The following TMEM131L variants were observed in gnomAD, a reference collection of about 807,000 sequenced individuals.
TMEM131L encodes the protein transmembrane protein 131-like.
In TMEM131L, 54 loss-of-function variants were observed where a neutral mutation model predicts 192.2. That is an observed-to-expected ratio of 0.28 (90% CI 0.23 to 0.35). The LOEUF is 0.35. Ranked by LOEUF, TMEM131L falls within the 10% of genes least tolerant of loss-of-function variation. TMEM131L has a pLI of 1.00. For missense variants in TMEM131L, 1,888 were observed against 1,972.9 expected, an observed-to-expected ratio of 0.96 and a Z score of 0.82; for synonymous variants, 701 against 704.9, an observed-to-expected ratio of 0.99 and a Z score of 0.09.
At chr4:153,557,583 T>C (rs948083181) in intron 6 of TMEM131L, among the ~76,000 whole-genome samples, 3 of 152,282 alleles carry the variant, frequency 2.0e-5, no homozygotes, top group African/African-American at 7.2e-5. Context: ...TTGTTGCTAT[T>C]CTCAGAAATA....
chr4:153,603,233 G>C (rs1731971378), intron 23 of TMEM131L, 70 bp from the exon 24 acceptor site: 1 of 1,341,654 alleles, frequency 7.5e-7, no homozygotes. Flanking sequence ...CCACTCTTCT[G>C]TAATGAAACT....
chr4:153,632,045 G>A (rs1734245551), intron 31 of TMEM131L, among the ~76,000 whole-genome samples: 1 of 152,208 alleles, frequency 6.6e-6, no homozygotes, highest in African/African-American at 2.4e-5. Flanking sequence ...CAGGCGTGGT[G>A]GCTCACGCCT....
At chr4:153,466,967 C>T (rs1245694913) in intron 1 of TMEM131L, among the ~76,000 whole-genome samples, 1 of 152,192 alleles carries the variant, frequency 6.6e-6, no homozygotes, top group Non-Finnish European at 1.5e-5. Flanking sequence ...TTCGTCCCCC[C>T]ACCCCCAGCA....
At chr4:153,588,188 G>T (rs1342217320) in intron 15 of TMEM131L, among the ~76,000 whole-genome samples, 1 of 151,484 alleles carries the variant, frequency 6.6e-6, no homozygotes, top group Non-Finnish European at 1.5e-5. Context: ...AGTTATAGGA[G>T]TGTAAACATC....
Position 153,622,905 on chromosome 4 carries a change from C to T in TMEM131L, c.3867C>T (p.Tyr1289=), listed in dbSNP as rs1421669413. The change falls in exon 29 of 35, where the codon TAC becomes TAT. Residue 1289 remains tyrosine, a synonymous_variant. Transcript: ENST00000409959. ...LPAAQREAEG[Y]YQKPEKKCVD... is the part of the protein sequence containing the mutation. ...TCCTTTCACTTCCTCCAGAAGGTTA[C>T]TACCAGAAGCCTGAGAAGAAATGTG... 1 of 1,614,214 alleles carries T rather than the reference C, an allele frequency of 6.2e-7. No individual in the cohort carries two copies. Among genetic ancestry groups the T allele is most frequent in the Admixed American group, 1.7e-5 (1 of 60,036 alleles).
At chr4:153,498,571 G>C (rs888197207) in intron 3 of TMEM131L, among the ~76,000 whole-genome samples, 3 of 152,062 alleles carry the variant, frequency 2.0e-5, no homozygotes, top group African/African-American at 4.8e-5. Flanking sequence ...GTAGGGAAGT[G>C]GGGGGTGAGC....
intron 3 of TMEM131L, among the ~76,000 whole-genome samples, chr4:153,534,650 G>A (rs1203160052): frequency 6.6e-6 from 1 of 152,140 alleles, no homozygotes; most frequent in African/African-American, 2.4e-5. Flanking sequence ...AGCCAGGATG[G>A]TCTCTATCTC....
intron 7 of TMEM131L, among the ~76,000 whole-genome samples, chr4:153,575,212 C>G (rs1486660221): frequency 6.6e-6 from 1 of 152,176 alleles, no homozygotes; most frequent in African/African-American, 2.4e-5. Context: ...ACAGTCCCCC[C>G]AAATCACACC....
At chr4:153,591,625 C>T (rs1211237325) in intron 17 of TMEM131L, among the ~76,000 whole-genome samples, 1 of 152,020 alleles carries the variant, frequency 6.6e-6, no homozygotes, top group Non-Finnish European at 1.5e-5. Context: ...GCTCCGGTGG[C>T]GGGAAGACTG....
At chr4:153,488,044 G>C (rs1313629396) in intron 3 of TMEM131L, among the ~76,000 whole-genome samples, 1 of 151,038 alleles carries the variant, frequency 6.6e-6, no homozygotes, top group Non-Finnish European at 1.5e-5. Context: ...TGAGGGGTGT[G>C]TGTGTGTATG....
intron 3 of TMEM131L, among the ~76,000 whole-genome samples, chr4:153,518,588 GGATATAGAATAGT>G (rs879348024): frequency 6.6e-6 from 1 of 152,180 alleles, no homozygotes; most frequent in Non-Finnish European, 1.5e-5. Context: ...TACAGGGAAG[GGATATAGAATAGT>G]GATACTCTTA....
chr4:153,512,653 C>T (rs1041680979), intron 3 of TMEM131L, among the ~76,000 whole-genome samples: 3 of 152,134 alleles, frequency 2.0e-5, no homozygotes, highest in African/African-American at 7.2e-5. Flanking sequence ...CTTGCTCTGT[C>T]GCCAGGCTGG....
intron 3 of TMEM131L, among the ~76,000 whole-genome samples, chr4:153,529,658 A>G (rs1580145392): frequency 6.6e-6 from 1 of 152,212 alleles, no homozygotes; most frequent in African/African-American, 2.4e-5. Flanking sequence ...AAATTTTAAA[A>G]TTTAAGGGTA....
intron 3 of TMEM131L, among the ~76,000 whole-genome samples, chr4:153,518,287 CT>C (rs890942415): frequency 4.5e-4 from 69 of 152,306 alleles, no homozygotes; most frequent in African/African-American, 1.5e-3. Flanking sequence ...CCGAGCACTT[CT>C]TGTGGGATGC....
intron 6 of TMEM131L, among the ~76,000 whole-genome samples, chr4:153,557,967 C>T (rs1413873938): frequency 1.3e-5 from 2 of 152,170 alleles, no homozygotes; most frequent in East Asian, 1.9e-4. Context: ...AACAGGCTTT[C>T]ACCATGTTGG....
chr4:153,623,432 C>G (rs1009310222), intron 29 of TMEM131L, among the ~76,000 whole-genome samples: 1 of 152,178 alleles, frequency 6.6e-6, no homozygotes, highest in African/African-American at 2.4e-5. Flanking sequence ...CATTGTGCAG[C>G]CATCACAACT....
At chr4:153,599,988 A>G (rs1320279337) in intron 21 of TMEM131L, among the ~76,000 whole-genome samples, 2 of 152,190 alleles carry the variant, frequency 1.3e-5, no homozygotes, top group African/African-American at 2.4e-5. Context: ...CAGTGAGCCA[A>G]GATCGTGCCG....
intron 3 of TMEM131L, among the ~76,000 whole-genome samples, chr4:153,544,022 C>A (rs967656709): frequency 6.6e-6 from 1 of 152,226 alleles, no homozygotes; most frequent in African/African-American, 2.4e-5. Flanking sequence ...GATGGGAAAC[C>A]TTTCCTCTTG....
intron 3 of TMEM131L, among the ~76,000 whole-genome samples, chr4:153,493,519 G>T (rs191026646): frequency 1.3e-4 from 20 of 152,114 alleles, no homozygotes; most frequent in Admixed American, 2.0e-4. Flanking sequence ...AATTAGCCGG[G>T]CATGGCGGTG....
Sources: gnomAD v4.1 joint callset for allele counts (sites outside exome capture counted in the v4.1 genomes callset) on GRCh38, gnomAD v4.1.1 for gene constraint, MANE v1.5 for transcripts, NCBI Gene and HGNC (gene_info 2026-07-23, HGNC 2026-07-21) for gene names.